The following RBFOX1 variants were observed in gnomAD, a reference collection of about 807,000 sequenced individuals.
RBFOX1 encodes the protein RNA binding protein fox-1 homolog 1.
RBFOX1 carries 8 observed loss-of-function variants against 57.7 expected under a neutral mutation model. That is an observed-to-expected ratio of 0.14 (90% CI 0.08 to 0.25). The LOEUF (loss-of-function observed/expected upper bound fraction) is 0.25, where lower values mean the gene tolerates loss of function less well. RBFOX1 is among the 10% of genes least tolerant of loss of function. The pLI, the probability that RBFOX1 is intolerant of heterozygous loss-of-function variation, is 1.00. For synonymous variants in RBFOX1, 326 were observed against 222.4 expected (o/e 1.47, Z -4.15); for missense variants, 611 against 548.5 (o/e 1.11, Z -1.14).
intron 3 of RBFOX1, among the ~76,000 whole-genome samples, chr16:5,810,332 T>A (rs2342738): frequency 0.68 from 103,181 of 151,952 alleles, 35,603 homozygotes; most frequent in African/African-American, 0.81. Context: ...TAATAATAAT[T>A]AAAAAAAGAT....
intron 3 of RBFOX1, among the ~76,000 whole-genome samples, chr16:5,786,365 C>T (rs978264056): frequency 1.3e-5 from 2 of 152,146 alleles, no homozygotes; most frequent in African/African-American, 4.8e-5. Context: ...AACGTCCATT[C>T]CTCTGCTGCT....
At chr16:7,477,986 T>C (rs1211616387) in intron 4 of RBFOX1, among the ~76,000 whole-genome samples, 1 of 152,248 alleles carries the variant, frequency 6.6e-6, no homozygotes, top group Non-Finnish European at 1.5e-5. Flanking sequence ...TTCATAAGTA[T>C]ATAATTTGAA....
At chr16:6,333,145 T>C (rs915849724) in intron 2 of RBFOX1, among the ~76,000 whole-genome samples, 2 of 152,152 alleles carry the variant, frequency 1.3e-5, no homozygotes, top group African/African-American at 4.8e-5. Flanking sequence ...GCTCAAGCAA[T>C]TCTCCTGACT....
intron 3 of RBFOX1, among the ~76,000 whole-genome samples, chr16:5,667,245 C>A (rs1316054780): frequency 6.6e-6 from 1 of 152,094 alleles, no homozygotes; most frequent in Non-Finnish European, 1.5e-5. Context: ...CCACTCTCTC[C>A]ACCCCCAAGA....
chr16:6,424,147 G>A (rs1433619826), intron 2 of RBFOX1, among the ~76,000 whole-genome samples: 1 of 152,200 alleles, frequency 6.6e-6, no homozygotes, highest in Non-Finnish European at 1.5e-5. Context: ...GCTGAGGCAG[G>A]AGAATCACTT....
At chr16:6,510,052 C>T (rs980105763) in intron 2 of RBFOX1, among the ~76,000 whole-genome samples, 3 of 152,182 alleles carry the variant, frequency 2.0e-5, no homozygotes, top group Admixed American at 2.0e-4. Context: ...AGCTTCATAT[C>T]AGGCTCCTGT....
intron 2 of RBFOX1, among the ~76,000 whole-genome samples, chr16:5,530,392 G>A (rs2044419054): frequency 6.6e-6 from 1 of 152,178 alleles, no homozygotes; most frequent in Non-Finnish European, 1.5e-5. Flanking sequence ...GAGATGTGAA[G>A]TGACTTGCCC....
At chr16:5,434,317 CTT>C (rs5815245) in intron 1 of RBFOX1, among the ~76,000 whole-genome samples, 15 of 79,730 alleles carry the variant, frequency 1.9e-4, no homozygotes, top group Admixed American at 5.6e-4. Flanking sequence ...TGCTGAAGTC[CTT>C]TTTTTTTTTT....
At chr16:6,642,443 C>T (rs569228090) in intron 2 of RBFOX1, among the ~76,000 whole-genome samples, 1 of 152,158 alleles carries the variant, frequency 6.6e-6, no homozygotes, top group Admixed American at 6.5e-5. Flanking sequence ...GAGACTCCTA[C>T]CTGAAACAGG....
At position 7,709,120 on chromosome 16, in the gene RBFOX1, G is replaced by T. The variant is rs138704494; in HGVS notation, c.1060G>T (p.Val354Phe). 20 of 1,612,896 alleles carry T rather than the reference G, an allele frequency of 1.2e-5. No homozygotes were observed. The highest frequency in any genetic ancestry group is 1.7e-5 in the Admixed American group (1 of 59,898). ...HALAPAPTYG[V>F]GAMNAFAPLT... is the part of the protein sequence containing the mutation. Reference sequence around the variant, plus strand: ...ACTTGCTCCAGCCCCCACCTACGGCGTTGGTGCCATGGTGAGTACAAGTTT... The same window carrying T: ...ACTTGCTCCAGCCCCCACCTACGGCTTTGGTGCCATGGTGAGTACAAGTTT... The change falls in exon 15 of 16, where the codon GTT becomes TTT. Residue 354 changes from valine (V) to phenylalanine (F), a missense_variant. Physicochemically the swap from Val to Phe is conservative, Grantham distance 50. Coordinates refer to ENST00000550418, the MANE Select transcript of RBFOX1 (RefSeq NM_018723.4).
At chr16:7,063,857 G>T (rs1057437226) in intron 4 of RBFOX1, among the ~76,000 whole-genome samples, 1 of 152,166 alleles carries the variant, frequency 6.6e-6, no homozygotes, top group African/African-American at 2.4e-5. Flanking sequence ...GTATGTGGGT[G>T]GATGTGCATA....
At chr16:7,476,549 G>A (rs1237179301) in intron 4 of RBFOX1, among the ~76,000 whole-genome samples, 1 of 152,202 alleles carries the variant, frequency 6.6e-6, no homozygotes, top group African/African-American at 2.4e-5. Context: ...ACTTGAGTTG[G>A]TTTTGTCAGC....
In RBFOX1 at chr16:6,148,232, C is replaced by T. The variant is rs148948513; in HGVS notation, c.-127+128240C>T. ...ATCCCAGCTACTTGGGAGGCTGAGG[C>T]AGGGGAATTGCTTGAATCTGGGAGG... On this transcript the variant is annotated intron_variant, in intron 1 of 15. Transcript: ENST00000550418. 6.1e-3 allele frequency among the ~76,000 whole-genome samples: 935 copies of T among 152,312 alleles called. 9 individuals are homozygous for T. Among genetic ancestry groups the T allele is most frequent in the African/African-American group, 0.021 (880 of 41,568 alleles).
chr16:5,875,897 G>T (rs1430495150), intron 4 of RBFOX1, among the ~76,000 whole-genome samples: 3 of 150,856 alleles, frequency 2.0e-5, no homozygotes, highest in African/African-American at 7.3e-5. Flanking sequence ...AGGCTGGAGT[G>T]CAGTGGCGCC....
At chr16:6,107,898 T>A (rs976323645) in intron 1 of RBFOX1, among the ~76,000 whole-genome samples, 1 of 152,206 alleles carries the variant, frequency 6.6e-6, no homozygotes, top group Non-Finnish European at 1.5e-5. Context: ...TTCCTGGAAA[T>A]TGAATTTCAG....
At chr16:7,619,244 C>T (rs543188765) in intron 10 of RBFOX1, among the ~76,000 whole-genome samples, 2 of 151,978 alleles carry the variant, frequency 1.3e-5, no homozygotes, top group Admixed American at 6.6e-5. Flanking sequence ...TTGTATGATT[C>T]TAGTGTTTGG....
intron 2 of RBFOX1, among the ~76,000 whole-genome samples, chr16:5,486,738 T>G (rs2042641847): frequency 6.6e-6 from 1 of 152,170 alleles, no homozygotes; most frequent in Non-Finnish European, 1.5e-5. Context: ...TCATCAGGAC[T>G]CATTGACCTT....
At chr16:6,976,777 T>G (rs918579356) in intron 3 of RBFOX1, among the ~76,000 whole-genome samples, 1 of 94,784 alleles carries the variant, frequency 1.1e-5, no homozygotes, top group South Asian at 3.0e-4. Context: ...GTATGACATA[T>G]CAATATATTA....
Position 6,895,486 on chromosome 16 carries a change from A to ATATATATATATG in RBFOX1, c.-15-156570_-15-156569insATATATATATGT, listed in dbSNP as rs1231560510. Reference sequence around the variant, plus strand: ...TATATATATATATATATATATATATATTTATTCCCCTATTGGATAACAAGC... The same window carrying ATATATATATATG: ...TATATATATATATATATATATATATATATATATATATGTTTATTCCCCTATTGGATAACAAGC... On this transcript the variant is annotated intron_variant, in intron 3 of 15. Transcript: ENST00000550418. 3.2e-3 allele frequency among the ~76,000 whole-genome samples: 289 copies of ATATATATATATG among 91,694 alleles called. 5 individuals carry two copies. Among genetic ancestry groups the ATATATATATATG allele is most frequent in the Non-Finnish European group, 4.5e-3 (202 of 45,028 alleles). 60.2% of individuals were successfully genotyped at this position (91,694 alleles called of 152,430 possible). A position where few individuals can be genotyped will look rare whatever the true frequency, so the allele number is the denominator to read the frequency against.
Sources: allele counts gnomAD v4.1 joint callset (sites outside exome capture counted in the v4.1 genomes callset), GRCh38; gene constraint gnomAD v4.1.1; transcripts MANE v1.5; gene names NCBI Gene and HGNC (gene_info 2026-07-23, HGNC 2026-07-21).